Variants in MYO3A observed in about 807,000 individuals in gnomAD.
MYO3A encodes myosin IIIA.
Under a neutral mutation model 192.7 loss-of-function variants are expected in MYO3A, and 180 were observed. That is an observed-to-expected ratio of 0.93 (90% CI 0.83 to 1.06). MYO3A has a LOEUF of 1.06. MYO3A is among the 50% of genes least tolerant of loss of function. The pLI is 0.00. For synonymous variants in MYO3A, 628 were observed against 645.3 expected, an observed-to-expected ratio of 0.97 and a Z score of 0.41; for missense variants, 1,896 against 1,905.0, an observed-to-expected ratio of 1.00 and a Z score of 0.09.
At chr10:26,046,879 T>C (rs1369145181) in intron 10 of MYO3A, among the ~76,000 whole-genome samples, 2 of 152,256 alleles carry the variant, frequency 1.3e-5, no homozygotes, top group African/African-American at 4.8e-5. Flanking sequence ...TGAAATATTA[T>C]TTTTCATTAG....
In MYO3A at chr10:26,140,914, GTGTTTGTT is replaced by G. The variant is rs551758195; in HGVS notation, c.2263-2520_2263-2513del. On this transcript the variant is annotated intron_variant, in intron 20 of 34. Coordinates refer to ENST00000642920, the MANE Select transcript of MYO3A (RefSeq NM_017433.5). ...CTCACCTTATGCTTTAAATGTATATGTGTTTGTTTGTTTGTTTGTTTTTTGTTTTATGA... is the reference window on the plus strand; with the variant it reads ...CTCACCTTATGCTTTAAATGTATATGTGTTTGTTTGTTTTTTGTTTTATGA... Among the ~76,000 whole-genome samples the G allele has an allele frequency of 3.3e-5, 5 of 152,040 alleles. No individual in the cohort carries two copies. The East Asian group carries it at 7.7e-4, about 24-fold the overall frequency.
At chr10:25,970,654 T>TA (rs1838580162) in intron 4 of MYO3A, among the ~76,000 whole-genome samples, 2 of 151,868 alleles carry the variant, frequency 1.3e-5, no homozygotes, top group Non-Finnish European at 2.9e-5. Context: ...AGTTGTCTCT[T>TA]AATAAAGTAA....
At chr10:26,209,964 G>A (rs530257508) in intron 34 of MYO3A, among the ~76,000 whole-genome samples, 2 of 152,080 alleles carry the variant, frequency 1.3e-5, no homozygotes, top group South Asian at 4.2e-4. Flanking sequence ...GGAGCCAGGC[G>A]TAGTGGCTCA....
At chr10:26,088,502 T>TA (rs1331367473) in intron 15 of MYO3A, 97 bp downstream of exon 15, 1 of 1,152,152 alleles carries the variant, frequency 8.7e-7, no homozygotes, top group African/African-American at 1.5e-5. Context: ...AAATTTTATT[T>TA]ATCACTTACT....
intron 17 of MYO3A, among the ~76,000 whole-genome samples, chr10:26,098,970 G>A (rs940168062): frequency 5.9e-5 from 9 of 152,158 alleles, no homozygotes; most frequent in African/African-American, 1.7e-4. Flanking sequence ...TAGCTTGATG[G>A]AGATGGCAAT....
At chr10:26,101,631 G>C (rs943563292) in intron 17 of MYO3A, among the ~76,000 whole-genome samples, 2 of 152,116 alleles carry the variant, frequency 1.3e-5, no homozygotes, top group Non-Finnish European at 2.9e-5. Flanking sequence ...GTCTGTAAAG[G>C]ATTTTCTTTC....
chr10:26,081,137 CCCCCCCCCG>C lies in MYO3A; in HGVS notation c.1360-7060_1360-7052del, dbSNP rs201470526. On this transcript the variant is annotated intron_variant, in intron 14 of 34. Coordinates refer to ENST00000642920, the MANE Select transcript of MYO3A (RefSeq NM_017433.5). Reference sequence around the variant, plus strand: ...ATTCCCAAGATTATATGCCCTTCCCCCCCCCCCCGCCCCCGCTACCAGGGTGGGTAGGGA... The same window carrying C: ...ATTCCCAAGATTATATGCCCTTCCCCCCCCCGCTACCAGGGTGGGTAGGGA... 4.5e-3 allele frequency among the ~76,000 whole-genome samples: 476 copies of C among 104,924 alleles called. 27 individuals are homozygous for C. The highest frequency in any genetic ancestry group is 0.023 in the East Asian group (106 of 4,602). 68.8% of individuals were successfully genotyped at this position (104,924 alleles called of 152,430 possible).
intron 7 of MYO3A, among the ~76,000 whole-genome samples, chr10:26,020,256 G>A (rs796250513): frequency 4.2e-4 from 64 of 152,192 alleles, no homozygotes; most frequent in African/African-American, 1.1e-3. Context: ...TCTGTTGCCC[G>A]ATATGTTGTG....
chr10:25,987,785 C>T (rs1402400868), intron 4 of MYO3A, among the ~76,000 whole-genome samples: 2 of 152,142 alleles, frequency 1.3e-5, no homozygotes, highest in Non-Finnish European at 2.9e-5. Context: ...CTATGGAAAA[C>T]AGTGTGGGGA....
At chr10:25,942,578 C>G (rs1037631792) in intron 2 of MYO3A, among the ~76,000 whole-genome samples, 33 of 152,224 alleles carry the variant, frequency 2.2e-4, no homozygotes, top group African/African-American at 6.5e-4. Flanking sequence ...TCCAATTTCT[C>G]TACAACATTA....
chr10:26,115,999 T>C (rs1016690226), intron 17 of MYO3A, among the ~76,000 whole-genome samples: 1 of 152,224 alleles, frequency 6.6e-6, no homozygotes. Flanking sequence ...GTCACTAATA[T>C]GATCTTTACT....
Position 26,147,571 on chromosome 10 carries a change from T to G in MYO3A, c.2635+12T>G, listed in dbSNP as rs1380391016. The G allele has an allele frequency of 6.2e-7, 1 of 1,613,936 alleles. No individual in the cohort carries two copies. Among genetic ancestry groups the G allele is most frequent in the East Asian group, 2.2e-5 (1 of 44,862 alleles). On this transcript the variant is annotated intron_variant, in intron 23 of 34. Transcript: ENST00000642920. ...TCTGACCAAAACAGGTAAGACAATT[T>G]TCCTTACCTGGAAGTTTTCTGAAGC...
At chr10:26,106,595 G>A (rs1168312761) in intron 17 of MYO3A, among the ~76,000 whole-genome samples, 1 of 151,778 alleles carries the variant, frequency 6.6e-6, no homozygotes, top group Non-Finnish European at 1.5e-5. Flanking sequence ...GATTTTAAGT[G>A]GTTTTAGTGT....
At chr10:25,966,577 C>CAA (rs200075885) in intron 4 of MYO3A, among the ~76,000 whole-genome samples, 1 of 150,676 alleles carries the variant, frequency 6.6e-6, no homozygotes, top group African/African-American at 2.4e-5. Flanking sequence ...TGAAAACAAA[C>CAA]AAAAAAAAAC....
At chr10:26,016,041 G>A (rs1588782684) in intron 6 of MYO3A, among the ~76,000 whole-genome samples, 1 of 152,092 alleles carries the variant, frequency 6.6e-6, no homozygotes, top group Admixed American at 6.6e-5. Flanking sequence ...GTGAAGGGTA[G>A]GAGCTCTGTA....
chr10:26,010,653 G>A (rs1375070465), intron 6 of MYO3A, among the ~76,000 whole-genome samples: 1 of 151,948 alleles, frequency 6.6e-6, no homozygotes, highest in Non-Finnish European at 1.5e-5. Context: ...TAGTAGAGAC[G>A]AGGTTTCACC....
At chr10:26,178,719 G>A (rs1168486501) in intron 31 of MYO3A, among the ~76,000 whole-genome samples, 1 of 152,184 alleles carries the variant, frequency 6.6e-6, no homozygotes, top group Non-Finnish European at 1.5e-5. Context: ...TCTGAAGACA[G>A]TAGGAATTAT....
chr10:25,987,487 T>TC (rs1370236369), intron 4 of MYO3A, among the ~76,000 whole-genome samples: 2 of 151,846 alleles, frequency 1.3e-5, no homozygotes, highest in African/African-American at 2.4e-5. Flanking sequence ...ATATCCAGGA[T>TC]CTACAAAGAA....
intron 10 of MYO3A, among the ~76,000 whole-genome samples, chr10:26,061,009 A>G (rs1834435159): frequency 6.6e-6 from 1 of 151,936 alleles, no homozygotes; most frequent in South Asian, 2.1e-4. Context: ...GCTCACTGCA[A>G]GCTCCGCCTC....
Sources: allele counts gnomAD v4.1 joint callset (sites outside exome capture counted in the v4.1 genomes callset), GRCh38; gene constraint gnomAD v4.1.1; transcripts MANE v1.5; gene names NCBI Gene and HGNC (gene_info 2026-07-23, HGNC 2026-07-21).